ACSM2B: variants seen among roughly 807,000 people sequenced by gnomAD.
The protein encoded by ACSM2B is acyl-coenzyme A synthetase ACSM2B, mitochondrial.
ACSM2B carries 58 observed loss-of-function variants against 78.6 expected under a neutral mutation model. The observed-to-expected ratio is 0.74, with a 90% CI of 0.60 to 0.92. ACSM2B has a LOEUF of 0.92. Ranked by LOEUF, ACSM2B falls within the 40% of genes least tolerant of loss-of-function variation. ACSM2B has a pLI of 0.00. For missense variants in ACSM2B, 688 were observed against 711.2 expected, an observed-to-expected ratio of 0.97 and a Z score of 0.37; for synonymous variants, 257 against 256.8, an observed-to-expected ratio of 1.00 and a Z score of -0.01.
chr16:20,540,008 T>G (rs1403649392), intron 13 of ACSM2B, among the ~76,000 whole-genome samples: 1 of 152,192 alleles, frequency 6.6e-6, no homozygotes, highest in African/African-American at 2.4e-5. Flanking sequence ...TTCTGTCACT[T>G]GCAACTGAGC....
At chr16:20,550,715 G>A (rs2015288222) in intron 6 of ACSM2B, among the ~76,000 whole-genome samples, 1 of 152,072 alleles carries the variant, frequency 6.6e-6, no homozygotes, top group South Asian at 2.1e-4. Flanking sequence ...AGAGATCTGG[G>A]GGCACAGCAG....
intron 1 of ACSM2B, among the ~76,000 whole-genome samples, chr16:20,566,708 AGTAT>A (rs2015882726): frequency 2.7e-5 from 1 of 36,928 alleles, no homozygotes; most frequent in African/African-American, 1.6e-4. Context: ...GTATATATAT[AGTAT>A]ATATAGTATA....
intron 10 of ACSM2B, among the ~76,000 whole-genome samples, chr16:20,543,643 G>T (rs993184055): frequency 2.0e-5 from 3 of 152,254 alleles, no homozygotes; most frequent in African/African-American, 7.2e-5. Context: ...ACTTTTCTTA[G>T]CTTCTTTGTA....
intron 10 of ACSM2B, chr16:20,544,745 C>T: frequency 1.0e-6 from 1 of 986,272 alleles, no homozygotes; most frequent in Non-Finnish European, 1.2e-6. Flanking sequence ...ATTCCTCCAA[C>T]TAGATGGTGA....
intron 1 of ACSM2B, chr16:20,575,441 A>G (rs1321739294): frequency 1.3e-5 from 2 of 151,338 alleles, no homozygotes; most frequent in Non-Finnish European, 2.9e-5. Flanking sequence ...AGGTCCCACA[A>G]TAGGCCATCT....
intron 1 of ACSM2B, among the ~76,000 whole-genome samples, chr16:20,566,697 A>ACT (rs1349354981): frequency 2.2e-4 from 1 of 4,480 alleles, no homozygotes; most frequent in Non-Finnish European, 4.8e-4. Flanking sequence ...TACTATATAT[A>ACT]GTATATATAT....
At chr16:20,539,621 C>A (rs553336751) in intron 13 of ACSM2B, among the ~76,000 whole-genome samples, 66 of 152,092 alleles carry the variant, frequency 4.3e-4, no homozygotes, top group African/African-American at 1.5e-3. Context: ...CTCCCCCATC[C>A]CCCCTGCACT....
intron 1 of ACSM2B, among the ~76,000 whole-genome samples, chr16:20,573,129 T>C (rs1019928295): frequency 4.0e-5 from 6 of 151,538 alleles, no homozygotes; most frequent in Non-Finnish European, 8.8e-5. Context: ...TGGGGGGAGG[T>C]GTTAAACAGC....
At position 20,543,245 on chromosome 16, in the gene ACSM2B, T is replaced by C. The variant is rs971743456; in HGVS notation, c.1299A>G (p.Thr433=). The change falls in exon 11 of 14, where the codon ACA becomes ACG. Residue 433 remains threonine (T), a synonymous_variant. Transcript: ENST00000329697. The part of the protein sequence containing the change: ...FSGYVENPDK[T]AANIRGDFWL... ...AAAAGTCTCCTCGAATGTTGGCTGC[T>C]GTCTTGTCGGGATTTTCCTGGTGAC... 2.5e-6 allele frequency: 4 copies of C among 1,612,882 alleles called. No individual in the cohort carries two copies. The highest frequency in any genetic ancestry group is 3.4e-6 in the Non-Finnish European group (4 of 1,179,878).
chr16:20,542,954 T>C lies in ACSM2B; in HGVS notation c.1469A>G (p.Glu490Gly). ...NALMKHPAVV[E>G]TAVISSPDPV... ...GTCTGGGCTGCTGATCACAGCCGTC[T>C]CAACCACAGCAGGGTGCTTCATCAG... is the stretch of plus-strand genomic sequence containing the variant. Residue 490 changes from glutamate (E) to glycine (G), a missense_variant, in exon 12 of 14, where the codon GAG becomes GGG. Coordinates refer to ENST00000329697, the MANE Select transcript of ACSM2B (RefSeq NM_001105069.2). 2 of 1,613,714 alleles carry C rather than the reference T, an allele frequency of 1.2e-6. No homozygotes were observed. Among genetic ancestry groups the C allele is most frequent in the Non-Finnish European group, 1.7e-6 (2 of 1,179,856 alleles).
intron 12 of ACSM2B, chr16:20,542,437 C>G (rs530178265): frequency 6.9e-6 from 1 of 144,098 alleles, no homozygotes; most frequent in Admixed American, 6.8e-5. Context: ...CATGATTTCA[C>G]TCTTTTTTAA....
At chr16:20,543,889 A>C (rs1320134308) in intron 10 of ACSM2B, among the ~76,000 whole-genome samples, 2 of 152,214 alleles carry the variant, frequency 1.3e-5, no homozygotes, top group Non-Finnish European at 2.9e-5. Flanking sequence ...AAGAATTCTT[A>C]GCCTCACTCC....
intron 13 of ACSM2B, among the ~76,000 whole-genome samples, chr16:20,538,147 T>A (rs1228289347): frequency 6.6e-6 from 1 of 152,172 alleles, no homozygotes. Context: ...TAACGCTTTA[T>A]TAACTTTAAT....
intron 1 of ACSM2B, among the ~76,000 whole-genome samples, chr16:20,570,850 T>C (rs1165449761): frequency 6.6e-6 from 1 of 151,984 alleles, no homozygotes; most frequent in African/African-American, 2.4e-5. Context: ...GTTTTTTAGT[T>C]TATGTGCATA....
rs2015199998 is a variant in ACSM2B at position 20,548,186 on chromosome 16, C to T, written c.975-1G>A. On this transcript the variant is annotated splice_acceptor_variant, in intron 7 of 13. Coordinates refer to ENST00000329697, the MANE Select transcript of ACSM2B (RefSeq NM_001105069.2). LOFTEE classifies it high-confidence loss of function. ...GTTCTGTAGATGGGGGAACTTGTAACTGAAGAAGAGAAATAAATGTTTGCC... is the reference window on the plus strand; with the variant it reads ...GTTCTGTAGATGGGGGAACTTGTAATTGAAGAAGAGAAATAAATGTTTGCC... 7 of 1,614,032 alleles carry T rather than the reference C, an allele frequency of 4.3e-6. No individual in the cohort carries two copies. Among genetic ancestry groups the T allele is most frequent in the Non-Finnish European group, 5.9e-6 (7 of 1,179,938 alleles).
chr16:20,552,126 A>G lies in ACSM2B; in HGVS notation c.894+18T>C. On this transcript the variant is annotated intron_variant, in intron 6 of 13. Transcript: ENST00000329697. Reference sequence around the variant, plus strand: ...GGGCTCACTCTGAATAACTGCTGCAAACTGGATCCTCTCTTACCTTTAGAA... The same window carrying G: ...GGGCTCACTCTGAATAACTGCTGCAGACTGGATCCTCTCTTACCTTTAGAA... 6.3e-7 allele frequency: 1 copy of G among 1,582,508 alleles called. No individual in the cohort carries two copies. Among genetic ancestry groups the G allele is most frequent in the Non-Finnish European group, 8.6e-7 (1 of 1,167,554 alleles).
At chr16:20,562,512 C>G (rs535633643) in intron 2 of ACSM2B, among the ~76,000 whole-genome samples, 1 of 152,124 alleles carries the variant, frequency 6.6e-6, no homozygotes, top group Admixed American at 6.6e-5. Flanking sequence ...CTTGCTCATT[C>G]GTGGACATAG....
intron 1 of ACSM2B, among the ~76,000 whole-genome samples, chr16:20,565,608 G>C (rs71384485): frequency 0.19 from 28,242 of 151,940 alleles, 3,697 homozygotes; most frequent in East Asian, 0.69. Context: ...ATCCTAAATC[G>C]CAGGTCCTAT....
rs569542458 is a variant in ACSM2B at position 20,544,125 on chromosome 16, G to C, written c.1282-863C>G. Among the ~76,000 whole-genome samples, 3 of 152,302 alleles carry C rather than the reference G, an allele frequency of 2.0e-5. No homozygotes were observed. The East Asian group carries it at 5.8e-4, about 29-fold the overall frequency. ...CAAATGGGGAGAAGCCCATGACATA[G>C]TACTTCACTGGCATTTGAGAATATA... On this transcript the variant is annotated intron_variant, in intron 10 of 13. Transcript: ENST00000329697.
Sources: allele counts gnomAD v4.1 joint callset (sites outside exome capture counted in the v4.1 genomes callset), GRCh38; gene constraint gnomAD v4.1.1; transcripts MANE v1.5; gene names NCBI Gene and HGNC (gene_info 2026-07-23, HGNC 2026-07-21).